The following ACSM1 variants were observed in gnomAD, a reference collection of about 807,000 sequenced individuals.
ACSM1 encodes the protein acyl-coenzyme A synthetase ACSM1, mitochondrial.
In ACSM1, 79 loss-of-function variants were observed where a neutral mutation model predicts 75.8. That is an observed-to-expected ratio of 1.04 (90% confidence interval 0.87 to 1.26). ACSM1 has a LOEUF of 1.26. Among genes scored for constraint, ACSM1 ranks in the 50% most tolerant of loss-of-function variants. ACSM1 has a pLI of 0.00. For missense variants in ACSM1, 676 were observed against 720.1 expected (o/e 0.94, Z 0.70); for synonymous variants, 279 against 265.8 (o/e 1.05, Z -0.48).
intron 1 of ACSM1, among the ~76,000 whole-genome samples, chr16:20,695,626 A>G (rs1226231163): frequency 2.6e-5 from 4 of 151,918 alleles, no homozygotes; most frequent in Non-Finnish European, 5.9e-5. Flanking sequence ...TTACCTATCT[A>G]TTATGTATCT....
At chr16:20,685,829 AAAC>A (rs1293515400) in intron 2 of ACSM1, among the ~76,000 whole-genome samples, 5 of 92,706 alleles carry the variant, frequency 5.4e-5, no homozygotes, top group Admixed American at 9.3e-5. Context: ...CAAAAAAAAA[AAAC>A]AAACAAAAAA....
intron 12 of ACSM1, 58 bp downstream of exon 12, chr16:20,625,365 C>T (rs774338122): frequency 1.9e-6 from 3 of 1,546,796 alleles, no homozygotes; most frequent in Admixed American, 1.7e-5. Context: ...GATGTTTCCC[C>T]TGCACCTGCT....
chr16:20,627,906 ATATATATATATATATATTC>A (rs2017082511), intron 10 of ACSM1, among the ~76,000 whole-genome samples: 2 of 75,442 alleles, frequency 2.7e-5, no homozygotes, highest in Admixed American at 1.2e-4. Flanking sequence ...ATATATATAT[ATATATATATATATATATTC>A]ATTTTGTGTG....
At chr16:20,661,163 A>G (rs1470295364) in intron 7 of ACSM1, among the ~76,000 whole-genome samples, 1 of 152,204 alleles carries the variant, frequency 6.6e-6, no homozygotes, top group African/African-American at 2.4e-5. Context: ...AGAAATGTCC[A>G]TTAATGGTAG....
intron 6 of ACSM1, among the ~76,000 whole-genome samples, chr16:20,665,129 A>T (rs1327860532): frequency 6.6e-6 from 1 of 152,126 alleles, no homozygotes; most frequent in Non-Finnish European, 1.5e-5. Context: ...AAGCTATCAG[A>T]AGAAAATAAA....
intron 2 of ACSM1, among the ~76,000 whole-genome samples, chr16:20,690,160 C>T (rs2079627278): frequency 6.6e-6 from 1 of 152,184 alleles, no homozygotes; most frequent in Non-Finnish European, 1.5e-5. Flanking sequence ...GATAGTAATA[C>T]ATGAATACAT....
intron 7 of ACSM1, among the ~76,000 whole-genome samples, chr16:20,650,434 G>C (rs988263052): frequency 6.6e-6 from 1 of 152,058 alleles, no homozygotes; most frequent in Admixed American, 6.6e-5. Context: ...GCCCTACAGG[G>C]AAATCCCCAA....
intron 6 of ACSM1, among the ~76,000 whole-genome samples, chr16:20,662,697 G>A (rs1476528561): frequency 4.6e-5 from 7 of 152,230 alleles, no homozygotes; most frequent in African/African-American, 1.7e-4. Context: ...TGTCATTTGT[G>A]GACAAATCTA....
chr16:20,627,862 A>T (rs915926430), intron 10 of ACSM1, among the ~76,000 whole-genome samples: 1 of 80,002 alleles, frequency 1.2e-5, no homozygotes. Flanking sequence ...CTCTCTCTGT[A>T]TGTATACATA....
chr16:20,683,491 G>A (rs778174457), intron 3 of ACSM1, among the ~76,000 whole-genome samples: 3 of 151,632 alleles, frequency 2.0e-5, no homozygotes, highest in African/African-American at 4.9e-5. Context: ...CACACTTCTC[G>A]TCCTGACTTT....
intron 4 of ACSM1, 162 bp downstream of exon 4, chr16:20,682,094 C>T: frequency 1.5e-6 from 1 of 654,540 alleles, no homozygotes; most frequent in Non-Finnish European, 2.6e-6. Flanking sequence ...AAAAGGTAAC[C>T]TGACTCTTTG....
At chr16:20,640,002 A>G (rs1272483849) in intron 8 of ACSM1, among the ~76,000 whole-genome samples, 1 of 152,220 alleles carries the variant, frequency 6.6e-6, no homozygotes, top group Non-Finnish European at 1.5e-5. Flanking sequence ...CAAGATCGTT[A>G]CTGTCAAACA....
intron 7 of ACSM1, among the ~76,000 whole-genome samples, chr16:20,647,899 C>A (rs1255402882): frequency 6.6e-6 from 1 of 152,138 alleles, no homozygotes; most frequent in African/African-American, 2.4e-5. Flanking sequence ...AGAACACGTT[C>A]CTTATAAATG....
chr16:20,639,107 A>C (rs1019580158), intron 8 of ACSM1, among the ~76,000 whole-genome samples: 3 of 152,178 alleles, frequency 2.0e-5, no homozygotes, highest in African/African-American at 7.2e-5. Context: ...TATGTGCTAG[A>C]GGGATAATGG....
At chr16:20,663,921 C>T (rs1429049232) in intron 6 of ACSM1, among the ~76,000 whole-genome samples, 1 of 152,078 alleles carries the variant, frequency 6.6e-6, no homozygotes, top group Non-Finnish European at 1.5e-5. Flanking sequence ...TCATAGGTGT[C>T]TAAGGCCTTT....
rs1403302284 is a variant in ACSM1, at chr16:20,625,437, G to A, written c.1513C>T (p.Pro505Ser). ...GTTCTCCTCACCTCCCCTCGAATCG[G>A]GTCTGGGCTGCCCACCACGGCTGAC... ...AESAVVGSPD[P>S]IRGEVVKAFI... Residue 505 changes from proline (P) to serine (S), a missense_variant, in exon 12 of 14, where the codon CCG becomes TCG. Physicochemically the swap from Pro to Ser is moderately conservative, Grantham distance 74. Transcript: ENST00000520010. 1 of 1,614,020 alleles carries A rather than the reference G, an allele frequency of 6.2e-7. No individual in the cohort carries two copies. The highest frequency in any genetic ancestry group is 1.1e-5 in the South Asian group (1 of 91,068).
rs1438401098 is a variant in ACSM1 at position 20,648,309 on chromosome 16, C to A, written c.993-7725G>T. On this transcript the variant is annotated intron_variant, in intron 7 of 13. Transcript: ENST00000520010. The surrounding 1 kb of genome is among the most constrained non-coding windows in gnomAD (Gnocchi z 4.2). Reference sequence around the variant, plus strand: ...TATTCTTCTTTTCTCTCTCTCTTAACCTTTCTTGCCACTCAACCTGATTTA... The same window carrying A: ...TATTCTTCTTTTCTCTCTCTCTTAAACTTTCTTGCCACTCAACCTGATTTA... 1.3e-5 allele frequency among the ~76,000 whole-genome samples: 2 copies of A among 152,182 alleles called. No individual in the cohort carries two copies. The highest frequency in any genetic ancestry group is 2.9e-5 in the Non-Finnish European group (2 of 68,038).
Position 20,648,808 on chromosome 16 carries a change from C to T in ACSM1, c.993-8224G>A, listed in dbSNP as rs2018489871. ...CTTTCTGGACCAAACCAATATACAC[C>T]TTACGTGTATTAATTGATGTCTTAT... On this transcript the variant is annotated intron_variant, in intron 7 of 13. Coordinates refer to ENST00000520010, the MANE Select transcript of ACSM1 (RefSeq NM_001318890.3). This position sits in a 1 kb window ranked among gnomAD's most constrained non-coding sequence, Gnocchi z 4.2. Among the ~76,000 whole-genome samples, 1 of 152,074 alleles carries T rather than the reference C, an allele frequency of 6.6e-6. No homozygotes were observed. Among genetic ancestry groups the T allele is most frequent in the Admixed American group, 6.6e-5 (1 of 15,260 alleles).
intron 4 of ACSM1, chr16:20,681,198 C>G (rs1026746700): frequency 1.3e-5 from 2 of 152,150 alleles, no homozygotes; most frequent in Non-Finnish European, 2.9e-5. Flanking sequence ...AATGAAACAT[C>G]AAGGGCACTA....
Sources: gnomAD v4.1 joint callset for allele counts (sites outside exome capture counted in the v4.1 genomes callset) on GRCh38, gnomAD v4.1.1 for gene constraint, Gnocchi (gnomAD v3.1) non-coding constraint, MANE v1.5 for transcripts, NCBI Gene and HGNC (gene_info 2026-07-23, HGNC 2026-07-21) for gene names.